Variants in VGLL4 observed in about 807,000 individuals in gnomAD.
VGLL4 encodes the protein vestigial like family member 4.
VGLL4 carries 7 observed loss-of-function variants against 21.0 expected under a neutral mutation model. The ratio of observed to expected loss-of-function variants is 0.33; its 90% confidence interval spans 0.19 to 0.63. VGLL4 has a LOEUF of 0.63. VGLL4 is among the 20% of genes least tolerant of loss of function. VGLL4 has a pLI of 0.78. For synonymous variants in VGLL4, 222 were observed against 173.2 expected, an observed-to-expected ratio of 1.28 and a Z score of -2.21; for missense variants, 394 against 425.7, an observed-to-expected ratio of 0.93 and a Z score of 0.66.
intron 2 of VGLL4, among the ~76,000 whole-genome samples, chr3:11,586,824 G>A (rs1220200489): frequency 1.3e-5 from 2 of 152,144 alleles, no homozygotes; most frequent in Non-Finnish European, 2.9e-5. Flanking sequence ...TTGGCACAGG[G>A]ATACCAGGAG....
chr3:11,685,532 T>G (rs112880327), intron 2 of VGLL4, among the ~76,000 whole-genome samples: 14,972 of 152,222 alleles, frequency 0.098, 899 homozygotes, highest in East Asian at 0.23. Flanking sequence ...TGATGCACAG[T>G]TAGGCTGATT....
At chr3:11,628,778 C>T (rs1255545807) in intron 1 of VGLL4, among the ~76,000 whole-genome samples, 6 of 152,202 alleles carry the variant, frequency 3.9e-5, no homozygotes, top group Non-Finnish European at 8.8e-5. Flanking sequence ...AGAGATCGCA[C>T]CACTTCACTC....
In VGLL4 at chr3:11,573,340, A is replaced by G. The variant is rs1056535919; in HGVS notation, c.273-8321T>C. ...GGAAGAAAGAAAGAAAGAAAGAAAG[A>G]AAGAAAGAAAGAAAGAAAGAAAGAA... On this transcript the variant is annotated intron_variant, in intron 2 of 4. Transcript: ENST00000430365. Among the ~76,000 whole-genome samples, 49 of 92,260 alleles carry G rather than the reference A, an allele frequency of 5.3e-4. No homozygotes were observed. The East Asian group carries it at 6.7e-3, about 13-fold the overall frequency. The allele number at this position is 92,260 out of a possible 152,430, so 60.5% of individuals were successfully genotyped here.
At chr3:11,718,292 T>C (rs567766682) in intron 1 of VGLL4, among the ~76,000 whole-genome samples, 1 of 152,326 alleles carries the variant, frequency 6.6e-6, no homozygotes, top group Non-Finnish European at 1.5e-5. Flanking sequence ...AAAACTGTCT[T>C]GAGTGTAAGA....
At chr3:11,674,342 G>T (rs1317521156) in intron 2 of VGLL4, among the ~76,000 whole-genome samples, 1 of 152,188 alleles carries the variant, frequency 6.6e-6, no homozygotes, top group Non-Finnish European at 1.5e-5. Context: ...TCCCAGCATG[G>T]CACTTGTGTG....
At chr3:11,665,366 G>T (rs902116733) in intron 2 of VGLL4, among the ~76,000 whole-genome samples, 3 of 152,084 alleles carry the variant, frequency 2.0e-5, no homozygotes, top group African/African-American at 4.8e-5. Context: ...GCCAGCCTCG[G>T]CCTCCCAAAG....
chr3:11,704,352 C>T (rs1247580866), intron 1 of VGLL4, among the ~76,000 whole-genome samples: 5 of 138,064 alleles, frequency 3.6e-5, no homozygotes, highest in East Asian at 4.3e-4. Flanking sequence ...CATTGCACTC[C>T]AGCCTGGGCA....
At chr3:11,628,454 A>G (rs1010104817) in intron 1 of VGLL4, among the ~76,000 whole-genome samples, 5 of 152,200 alleles carry the variant, frequency 3.3e-5, no homozygotes, top group Non-Finnish European at 5.9e-5. Flanking sequence ...CAATGTGTTG[A>G]CTAAAAAATA....
intron 1 of VGLL4, among the ~76,000 whole-genome samples, chr3:11,715,306 A>T (rs573124262): frequency 6.6e-6 from 1 of 152,160 alleles, no homozygotes; most frequent in Non-Finnish European, 1.5e-5. Flanking sequence ...GTAGCACTGT[A>T]GTTATTACCA....
chr3:11,701,597 C>T (rs1263753655), intron 2 of VGLL4, among the ~76,000 whole-genome samples: 1 of 152,158 alleles, frequency 6.6e-6, no homozygotes, highest in African/African-American at 2.4e-5. Flanking sequence ...CACACGACAG[C>T]CCGTTAATCC....
At chr3:11,696,608 T>G (rs1015235925) in intron 2 of VGLL4, among the ~76,000 whole-genome samples, 3 of 152,224 alleles carry the variant, frequency 2.0e-5, no homozygotes, top group Non-Finnish European at 4.4e-5. Flanking sequence ...TCGGTTCCAA[T>G]GTGTTAGTGG....
Position 11,655,384 on chromosome 3 carries a change from G to A in VGLL4, c.64+47587C>T, listed in dbSNP as rs548959389. Among the ~76,000 whole-genome samples the A allele has an allele frequency of 3.1e-4, 47 of 152,248 alleles. 1 individual carries two copies. The highest frequency in any genetic ancestry group is 1.1e-3 in the African/African-American group (44 of 41,530). On this transcript the variant is annotated intron_variant, in intron 2 of 5. Coordinates refer to the VGLL4 transcript ENST00000273038. ...CCAATGAGTTAGTTGCTCGTGGGCA[G>A]GACTAGGGGGCGACGTGAGCCCACC...
chr3:11,684,470 T>G (rs867756240), intron 2 of VGLL4, among the ~76,000 whole-genome samples: 28 of 152,106 alleles, frequency 1.8e-4, no homozygotes, highest in Middle Eastern at 3.4e-3. Context: ...AGCCTTGAAC[T>G]CCCAGGCTCA....
At chr3:11,701,786 A>G (rs1051603122) in intron 2 of VGLL4, among the ~76,000 whole-genome samples, 1 of 152,254 alleles carries the variant, frequency 6.6e-6, no homozygotes. Context: ...TCGAGAACTT[A>G]TAATGTATAA....
intron 2 of VGLL4, among the ~76,000 whole-genome samples, chr3:11,576,003 G>A (rs1473171442): frequency 2.0e-5 from 3 of 152,182 alleles, no homozygotes; most frequent in Non-Finnish European, 2.9e-5. Flanking sequence ...ATGTAAATAA[G>A]GTACCAGTTT....
chr3:11,719,914 G>T lies in VGLL4; in HGVS notation c.-14+480C>A, dbSNP rs1474193467. 6.6e-6 allele frequency among the ~76,000 whole-genome samples: 1 copy of T among 151,900 alleles called. No individual in the cohort carries two copies. Among genetic ancestry groups the T allele is most frequent in the Non-Finnish European group, 1.5e-5 (1 of 67,924 alleles). On this transcript the variant is annotated intron_variant, in intron 1 of 5. Transcript: ENST00000273038. This position sits in a 1 kb window ranked among gnomAD's most constrained non-coding sequence, Gnocchi z 4.0. ...GAGGCGCCAGCGGGCAGGGCGAGTG[G>T]ACATGGCGCACACTGCTGTGGACAC...
intron 2 of VGLL4, among the ~76,000 whole-genome samples, chr3:11,668,215 T>C (rs962517163): frequency 2.0e-5 from 3 of 151,984 alleles, no homozygotes; most frequent in Non-Finnish European, 4.4e-5. Flanking sequence ...AATAAATAAA[T>C]AAATAAAGAG....
Position 11,689,515 on chromosome 3 carries a change from TA to T in VGLL4, c.64+13455del, listed in dbSNP as rs761749236. On this transcript the variant is annotated intron_variant, in intron 2 of 5. Coordinates refer to the VGLL4 transcript ENST00000273038. ...AGATCTTTTTTCACAACAGGCTACT[TA>T]GATTCACTATACAGCAGCTCAAATC... Among the ~76,000 whole-genome samples the T allele has an allele frequency of 6.2e-4, 94 of 152,236 alleles. 1 individual carries two copies. The highest frequency in any genetic ancestry group is 2.6e-4 in the Admixed American group (4 of 15,284).
intron 2 of VGLL4, among the ~76,000 whole-genome samples, chr3:11,667,657 T>C (rs1422939762): frequency 2.6e-5 from 4 of 152,086 alleles, no homozygotes; most frequent in African/African-American, 7.2e-5. Context: ...TAGAAGACCA[T>C]GGAAAGCGAC....
Sources: allele counts gnomAD v4.1 joint callset (sites outside exome capture counted in the v4.1 genomes callset), GRCh38; gene constraint gnomAD v4.1.1; non-coding constraint Gnocchi (gnomAD v3.1); transcripts MANE v1.5; gene names NCBI Gene and HGNC (gene_info 2026-07-23, HGNC 2026-07-21).